Variants in ABHD2 observed in about 807,000 individuals in gnomAD.
ABHD2 encodes monoacylglycerol lipase ABHD2.
A neutral mutation model predicts 48.1 loss-of-function variants in ABHD2; 20 were observed. That is an observed-to-expected ratio of 0.42 (90% CI 0.29 to 0.60). The LOEUF is 0.60. ABHD2 is among the 20% of genes least tolerant of loss of function. The probability of loss-of-function intolerance (pLI) is 0.24; values close to 1 mark genes in which losing one functional copy is unlikely to be tolerated. For missense variants in ABHD2, 405 were observed against 550.9 expected (o/e 0.74, Z 2.65); for synonymous variants, 209 against 214.2 (o/e 0.98, Z 0.21).
intron 10 of ABHD2, 101 bp downstream of exon 10, chr15:89,193,420 T>A: frequency 1.1e-6 from 1 of 911,548 alleles, no homozygotes; most frequent in Non-Finnish European, 1.8e-6. Flanking sequence ...CCACCCTCTT[T>A]AGGGAAAGAC....
chr15:89,054,893 A>T, the ABHD2 span, among the ~76,000 whole-genome samples: 1 of 152,146 alleles, frequency 6.6e-6, no homozygotes, highest in Middle Eastern at 3.2e-3. Flanking sequence ...TTGTCATTAT[A>T]TGTAGTGGGT....
At chr15:89,127,623 C>G (rs1208860745) in intron 3 of ABHD2, among the ~76,000 whole-genome samples, 2 of 150,616 alleles carry the variant, frequency 1.3e-5, no homozygotes, top group African/African-American at 4.9e-5. Flanking sequence ...AATGTTGACA[C>G]CTGCCAAGCC....
At chr15:89,143,943 T>A (rs1166553180) in intron 3 of ABHD2, among the ~76,000 whole-genome samples, 1 of 152,092 alleles carries the variant, frequency 6.6e-6, no homozygotes, top group Admixed American at 6.6e-5. Context: ...GAATATAAAA[T>A]GGTACAGCTG....
rs2051460314 is a variant in ABHD2, at chr15:89,200,947, T to G, written c.*5524T>G. 4.3e-6 allele frequency: 2 copies of G among 469,434 alleles called. No individual in the cohort carries two copies. 29.1% of individuals were successfully genotyped at this position (469,434 alleles called of 1,614,324 possible). On this transcript the variant is annotated 3_prime_UTR_variant, in exon 11 of 11. Transcript: ENST00000352732. The stretch of plus-strand genomic sequence containing the variant: ...AAATGCAAAAATTAGCTGGGTGTGG[T>G]GGCGGGCGCCTGTAATCCCAGCTAC...
At chr15:89,162,143 G>C (rs1256641352) in intron 5 of ABHD2, among the ~76,000 whole-genome samples, 1 of 152,098 alleles carries the variant, frequency 6.6e-6, no homozygotes, top group East Asian at 1.9e-4. Context: ...GGTACCGGGG[G>C]TTACGAGTTC....
chr15:89,165,982 A>G (rs758550073), intron 5 of ABHD2, among the ~76,000 whole-genome samples: 1 of 152,364 alleles, frequency 6.6e-6, no homozygotes, highest in East Asian at 1.9e-4. Context: ...TAGCCAAAGA[A>G]TAAACTGAAA....
intron 1 of ABHD2, among the ~76,000 whole-genome samples, chr15:89,108,404 C>T (rs1596070158): frequency 6.6e-6 from 1 of 152,350 alleles, no homozygotes; most frequent in East Asian, 1.9e-4. Context: ...CCAGATTTCA[C>T]TTCTTCCAAG....
chr15:89,120,360 T>C lies in ABHD2; in HGVS notation c.194+3839T>C, dbSNP rs988409376. Among the ~76,000 whole-genome samples the C allele has an allele frequency of 3.3e-5, 5 of 152,240 alleles. No homozygotes were observed. The highest frequency in any genetic ancestry group is 1.2e-4 in the African/African-American group (5 of 41,460). ...AACAAGCAGACGCCCAGTTCGGAAT[T>C]ATGACAAAAATCTAGATAGTCATAC... On this transcript the variant is annotated intron_variant, in intron 3 of 10. Coordinates refer to ENST00000352732, the MANE Select transcript of ABHD2 (RefSeq NM_152924.5). This position sits in a 1 kb window ranked among gnomAD's most constrained non-coding sequence, Gnocchi z 4.2.
At chr15:89,049,241 C>T in the ABHD2 span, among the ~76,000 whole-genome samples, 2,715 of 152,314 alleles carry the variant, frequency 0.018, 76 homozygotes, top group African/African-American at 0.06. Context: ...AGGCAGTCTG[C>T]CCGTTCTCAG....
chr15:89,149,654 A>G (rs2050559311), intron 3 of ABHD2, among the ~76,000 whole-genome samples: 1 of 152,248 alleles, frequency 6.6e-6, no homozygotes, highest in Non-Finnish European at 1.5e-5. Flanking sequence ...AGGTGGCCCA[A>G]AGAAACGCTG....
chr15:89,143,247 C>T (rs1409483082), intron 3 of ABHD2, among the ~76,000 whole-genome samples: 4 of 152,182 alleles, frequency 2.6e-5, no homozygotes, highest in Non-Finnish European at 5.9e-5. Flanking sequence ...TTTAGACAAT[C>T]CCAGTATTCA....
chr15:89,108,443 C>T (rs889876287), intron 1 of ABHD2, among the ~76,000 whole-genome samples: 2 of 152,220 alleles, frequency 1.3e-5, no homozygotes, highest in African/African-American at 4.8e-5. Context: ...AGGACTCCCT[C>T]CAACGAGTAC....
chr15:89,154,253 T>G (rs2050636462), intron 4 of ABHD2, among the ~76,000 whole-genome samples: 2 of 152,316 alleles, frequency 1.3e-5, no homozygotes, highest in African/African-American at 4.8e-5. Flanking sequence ...ATCCAACAGT[T>G]TACAAAATTT....
At chr15:89,178,606 C>A (rs1302398935) in intron 6 of ABHD2, among the ~76,000 whole-genome samples, 1 of 152,216 alleles carries the variant, frequency 6.6e-6, no homozygotes, top group Non-Finnish European at 1.5e-5. Flanking sequence ...GCCAGCCACC[C>A]GCTTGCTGTA....
chr15:89,047,265 T>A, the ABHD2 span, among the ~76,000 whole-genome samples: 2 of 151,298 alleles, frequency 1.3e-5, no homozygotes, highest in African/African-American at 4.9e-5. Context: ...TGAGAGATAG[T>A]TTGTTATAAT....
At chr15:89,066,326 A>T in the ABHD2 span, among the ~76,000 whole-genome samples, 33 of 152,110 alleles carry the variant, frequency 2.2e-4, no homozygotes, top group East Asian at 5.6e-3. Flanking sequence ...CCTTAGTGGT[A>T]TTGGTTTGTA....
intron 5 of ABHD2, among the ~76,000 whole-genome samples, chr15:89,156,015 C>T (rs189953339): frequency 1.9e-4 from 29 of 151,982 alleles, no homozygotes; most frequent in Admixed American, 1.8e-3. Flanking sequence ...TCTCGTCTTT[C>T]GACGAATGCT....
the ABHD2 span, among the ~76,000 whole-genome samples, chr15:89,064,643 AATT>A: frequency 1.3e-5 from 2 of 152,242 alleles, no homozygotes; most frequent in African/African-American, 2.4e-5. Context: ...AGTAAAATTA[AATT>A]ATTATTTTTA....
At chr15:89,055,212 T>A in the ABHD2 span, among the ~76,000 whole-genome samples, 6 of 152,278 alleles carry the variant, frequency 3.9e-5, no homozygotes, top group East Asian at 3.9e-4. Context: ...ACTTTTTTTT[T>A]AAATCTCCTA....
Sources: allele counts gnomAD v4.1 joint callset (sites outside exome capture counted in the v4.1 genomes callset), GRCh38; gene constraint gnomAD v4.1.1; non-coding constraint Gnocchi (gnomAD v3.1); transcripts MANE v1.5; gene names NCBI Gene and HGNC (gene_info 2026-07-23, HGNC 2026-07-21).